Variants in SULF2 observed in about 807,000 individuals in gnomAD.
SULF2 encodes the protein extracellular sulfatase Sulf-2.
A neutral mutation model predicts 107.7 loss-of-function variants in SULF2; 52 were observed. The observed-to-expected ratio is 0.48, with a 90% CI of 0.39 to 0.61. SULF2 has a LOEUF of 0.61. Ranked by LOEUF, SULF2 falls within the 20% of genes least tolerant of loss-of-function variation. The probability of loss-of-function intolerance (pLI) is 0.00; values close to 1 mark genes in which losing one functional copy is unlikely to be tolerated. For missense variants in SULF2, 993 were observed against 1,177.3 expected (o/e 0.84, Z 2.29); for synonymous variants, 460 against 464.3 (o/e 0.99, Z 0.12).
intron 11 of SULF2, among the ~76,000 whole-genome samples, chr20:47,667,655 C>T (rs574249831): frequency 2.6e-5 from 4 of 152,352 alleles, no homozygotes; most frequent in Middle Eastern, 3.4e-3. Flanking sequence ...CCTCTGCCCA[C>T]CTGACACATG....
intron 1 of SULF2, among the ~76,000 whole-genome samples, chr20:47,769,610 A>C (rs1450799633): frequency 6.6e-6 from 1 of 152,094 alleles, no homozygotes; most frequent in Non-Finnish European, 1.5e-5. Flanking sequence ...CGAGGTGCTA[A>C]TTCTTCCAGA....
At chr20:47,664,726 AT>A (rs1274555561) in intron 14 of SULF2, among the ~76,000 whole-genome samples, 1 of 152,232 alleles carries the variant, frequency 6.6e-6, no homozygotes, top group Non-Finnish European at 1.5e-5. Flanking sequence ...AAAATAAAAA[AT>A]TTGGCTCCTT....
intron 14 of SULF2, 35 bp downstream of exon 14, chr20:47,665,163 TG>T (rs2087219034): frequency 2.2e-6 from 3 of 1,337,608 alleles, no homozygotes; most frequent in Admixed American, 1.7e-5. Flanking sequence ...TGTAGGAGAG[TG>T]GGGTCTTAGG....
chr20:47,676,747 A>T, intron 9 of SULF2, 124 bp from the exon 10 acceptor site: 1 of 1,175,606 alleles, frequency 8.5e-7, no homozygotes, highest in Non-Finnish European at 1.2e-6. Flanking sequence ...TGGAGGGCGC[A>T]GGGCCACCTG....
At chr20:47,702,778 C>T in intron 3 of SULF2, 108 bp from the exon 4 acceptor site, 6 of 979,012 alleles carry the variant, frequency 6.1e-6, no homozygotes, top group South Asian at 4.8e-5. Context: ...TGCCATGGAG[C>T]CCTCTGGCAC....
intron 2 of SULF2, among the ~76,000 whole-genome samples, chr20:47,749,630 GAT>G (rs776629125): frequency 1.3e-5 from 2 of 152,242 alleles, no homozygotes; most frequent in East Asian, 1.9e-4. Context: ...TGATCTCCTG[GAT>G]ATCAGGCTGT....
At chr20:47,777,048 A>G (rs1317617516) in intron 1 of SULF2, among the ~76,000 whole-genome samples, 1 of 152,230 alleles carries the variant, frequency 6.6e-6, no homozygotes, top group African/African-American at 2.4e-5. Context: ...GCGATGAACA[A>G]GACAGACAAT....
chr20:47,683,350 C>T (rs971412391), intron 6 of SULF2, among the ~76,000 whole-genome samples, 181 bp from the exon 7 acceptor site: 2 of 152,178 alleles, frequency 1.3e-5, no homozygotes, highest in Non-Finnish European at 2.9e-5. Flanking sequence ...TCACCCCTGG[C>T]CCGCCCTCCC....
At chr20:47,740,406 G>C (rs543413132) in intron 2 of SULF2, among the ~76,000 whole-genome samples, 36 of 152,308 alleles carry the variant, frequency 2.4e-4, no homozygotes, top group Non-Finnish European at 4.7e-4. Flanking sequence ...GTTAAGCTCA[G>C]AATGGTCCCT....
chr20:47,692,657 G>A (rs964733279), intron 4 of SULF2, among the ~76,000 whole-genome samples: 4 of 151,992 alleles, frequency 2.6e-5, no homozygotes, highest in Admixed American at 6.5e-5. Context: ...GTTAGCCCAA[G>A]TAGATACAGC....
chr20:47,763,517 G>A (rs1322985219), intron 1 of SULF2, among the ~76,000 whole-genome samples: 1 of 152,200 alleles, frequency 6.6e-6, no homozygotes, highest in African/African-American at 2.4e-5. Context: ...TGGTGGGAGA[G>A]GAAGAAGGGG....
In SULF2 at chr20:47,666,595, G is replaced by A. The variant is rs1007978339; in HGVS notation, c.1577-107C>T. On this transcript the variant is annotated intron_variant, in intron 11 of 20. Coordinates refer to ENST00000688720, the MANE Select transcript of SULF2 (RefSeq NM_001387048.1). This position sits in a 1 kb window ranked among gnomAD's most constrained non-coding sequence, Gnocchi z 5.4. The stretch of plus-strand genomic sequence containing the variant: ...ATAGGGCCGGGCTTCCAAGCATGAG[G>A]CTCAGCTTTGCCTGCGACTCGAGGG... 65 of 880,914 alleles carry A rather than the reference G, an allele frequency of 7.4e-5. No homozygotes were observed. Among genetic ancestry groups the A allele is most frequent in the Non-Finnish European group, 8.8e-6 (5 of 568,526 alleles). The allele number at this position is 880,914 out of a possible 1,614,324, so 54.6% of individuals were successfully genotyped here.
intron 2 of SULF2, among the ~76,000 whole-genome samples, chr20:47,749,446 C>T (rs1243349351): frequency 6.6e-6 from 1 of 152,220 alleles, no homozygotes; most frequent in Non-Finnish European, 1.5e-5. Context: ...AGATAACCTG[C>T]ATCCACATGT....
chr20:47,676,454 C>A, intron 10 of SULF2, 40 bp downstream of exon 10: 1 of 1,594,380 alleles, frequency 6.3e-7, no homozygotes, highest in Non-Finnish European at 8.5e-7. Flanking sequence ...CGGCTGCAGT[C>A]AGGAGGGGGA....
intron 3 of SULF2, among the ~76,000 whole-genome samples, chr20:47,705,959 C>T (rs1042164117): frequency 1.3e-5 from 2 of 151,868 alleles, no homozygotes; most frequent in Admixed American, 6.6e-5. Context: ...CCATGATGCC[C>T]GGCTAATTTT....
At chr20:47,710,902 G>A (rs961473614) in intron 3 of SULF2, among the ~76,000 whole-genome samples, 2 of 152,174 alleles carry the variant, frequency 1.3e-5, no homozygotes, top group Non-Finnish European at 2.9e-5. Flanking sequence ...GGAGCCTGAT[G>A]GGAGGAGGAG....
chr20:47,662,713 G>T (rs540244887), intron 17 of SULF2, among the ~76,000 whole-genome samples: 6 of 152,320 alleles, frequency 3.9e-5, no homozygotes, highest in African/African-American at 1.4e-4. Flanking sequence ...TTAGCTGCGC[G>T]GTCCGTGTAG....
chr20:47,741,233 C>T (rs1343927700), intron 2 of SULF2, among the ~76,000 whole-genome samples: 1 of 151,872 alleles, frequency 6.6e-6, no homozygotes, highest in Non-Finnish European at 1.5e-5. Context: ...GGACCCAATC[C>T]CCTCCCCTCC....
At chr20:47,682,912 G>A in intron 7 of SULF2, 82 bp downstream of exon 7, 1 of 1,385,086 alleles carries the variant, frequency 7.2e-7, no homozygotes, top group African/African-American at 1.4e-5. Flanking sequence ...CACCCAGGGT[G>A]GGCTTGGGTT....
Sources: gnomAD v4.1 joint callset for allele counts (sites outside exome capture counted in the v4.1 genomes callset) on GRCh38, gnomAD v4.1.1 for gene constraint, Gnocchi (gnomAD v3.1) non-coding constraint, MANE v1.5 for transcripts, NCBI Gene and HGNC (gene_info 2026-07-23, HGNC 2026-07-21) for gene names.